RFX8: variants seen among roughly 807,000 people sequenced by gnomAD.
RFX8 encodes the protein DNA-binding protein RFX8.
RFX8 carries 46 observed loss-of-function variants against 54.6 expected under a neutral mutation model. That is an observed-to-expected ratio of 0.84 (90% confidence interval 0.67 to 1.08). RFX8 has a LOEUF of 1.08. RFX8 is among the 50% of genes least tolerant of loss of function. The pLI is 0.00. For synonymous variants in RFX8, 192 were observed against 209.5 expected, an observed-to-expected ratio of 0.92 and a Z score of 0.72; for missense variants, 536 against 562.3, an observed-to-expected ratio of 0.95 and a Z score of 0.47.
In RFX8 at chr2:101,402,560, C is replaced by A; in HGVS notation, c.1121G>T (p.Ser374Ile). ...LNSSLSQACA[S>I]PSMEPLGVMP... ...CACCCCCAGTGGCTCCATGCTGGGG[C>A]TGGCACACGCCTGCGACAGTGAGGA... The change falls in exon 11 of 12, where the codon AGC becomes ATC. Residue 374 changes from serine to isoleucine, a missense_variant. Coordinates refer to ENST00000428343, the MANE Select transcript of RFX8 (RefSeq NM_001145664.2). 6.4e-7 allele frequency: 1 copy of A among 1,551,858 alleles called. No homozygotes were observed. Among genetic ancestry groups the A allele is most frequent in the Non-Finnish European group, 8.7e-7 (1 of 1,147,022 alleles).
At chr2:101,470,755 T>C in intron 1 of RFX8, among the ~76,000 whole-genome samples, 1 of 139,858 alleles carries the variant, frequency 7.2e-6, no homozygotes, top group Admixed American at 7.3e-5. Context: ...AGTCTCACTC[T>C]GTCACCCAGG....
At chr2:101,415,673 A>C (rs1283377288) in intron 6 of RFX8, among the ~76,000 whole-genome samples, 1 of 152,240 alleles carries the variant, frequency 6.6e-6, no homozygotes, top group Admixed American at 6.5e-5. Flanking sequence ...GTGTTTGCTC[A>C]ATAACTATTT....
chr2:101,417,261 G>A (rs1686579701), intron 6 of RFX8, among the ~76,000 whole-genome samples: 1 of 152,210 alleles, frequency 6.6e-6, no homozygotes, highest in Non-Finnish European at 1.5e-5. Context: ...CTGGAGTGCA[G>A]TGACATGATC....
intron 2 of RFX8, among the ~76,000 whole-genome samples, chr2:101,465,776 A>G (rs569774184): frequency 2.4e-4 from 37 of 152,376 alleles, no homozygotes; most frequent in Middle Eastern, 3.4e-3. Flanking sequence ...CTGAACAGAT[A>G]CAGAAAAATA....
intron 8 of RFX8, 115 bp downstream of exon 8, chr2:101,412,800 C>T: frequency 9.9e-7 from 1 of 1,013,584 alleles, no homozygotes; most frequent in Non-Finnish European, 1.4e-6. Flanking sequence ...CAACTTAGAA[C>T]ATCGGAGTTA....
intron 2 of RFX8, among the ~76,000 whole-genome samples, chr2:101,431,087 C>T (rs1035832411): frequency 8.7e-4 from 133 of 152,332 alleles, no homozygotes; most frequent in African/African-American, 3.0e-3. Context: ...TATGAATACA[C>T]TGAGCTCCAT....
At chr2:101,409,214 T>TTTTG (rs374275723) in intron 9 of RFX8, among the ~76,000 whole-genome samples, 16 of 151,922 alleles carry the variant, frequency 1.1e-4, no homozygotes, top group South Asian at 2.1e-4. Context: ...CTCTAGGTGT[T>TTTTG]TTTGTTTGTT....
At chr2:101,410,036 C>T (rs1399213327) in intron 9 of RFX8, among the ~76,000 whole-genome samples, 3 of 152,164 alleles carry the variant, frequency 2.0e-5, no homozygotes, top group South Asian at 2.1e-4. Flanking sequence ...TCAAGCCAGA[C>T]ATTTTACTGG....
intron 2 of RFX8, among the ~76,000 whole-genome samples, chr2:101,457,544 C>A (rs1265686517): frequency 6.6e-6 from 1 of 152,162 alleles, no homozygotes; most frequent in Non-Finnish European, 1.5e-5. Context: ...TTCCTGAGTT[C>A]TAATTTGATT....
At chr2:101,469,381 G>C (rs867989271) in intron 1 of RFX8, among the ~76,000 whole-genome samples, 1 of 151,900 alleles carries the variant, frequency 6.6e-6, no homozygotes, top group South Asian at 2.1e-4. Flanking sequence ...CTGACCTCCT[G>C]TTGTCGAGCA....
intron 2 of RFX8, among the ~76,000 whole-genome samples, chr2:101,431,324 G>T (rs760445019): frequency 1.5e-4 from 23 of 152,316 alleles, no homozygotes; most frequent in Non-Finnish European, 3.2e-4. Flanking sequence ...AAAGATGTTG[G>T]GTGAGGGTTA....
intron 2 of RFX8, among the ~76,000 whole-genome samples, chr2:101,455,905 G>A (rs1407697809): frequency 1.3e-5 from 2 of 152,176 alleles, no homozygotes; most frequent in African/African-American, 4.8e-5. Flanking sequence ...GCAGTGGTTT[G>A]TAGTTCTCCT....
At chr2:101,462,473 C>T (rs1056637696) in intron 2 of RFX8, among the ~76,000 whole-genome samples, 11 of 152,002 alleles carry the variant, frequency 7.2e-5, no homozygotes, top group African/African-American at 2.7e-4. Flanking sequence ...GTACAACTCC[C>T]AAAATATTTC....
intron 2 of RFX8, among the ~76,000 whole-genome samples, chr2:101,442,743 C>G (rs1688165596): frequency 6.6e-6 from 1 of 152,102 alleles, no homozygotes; most frequent in Admixed American, 6.5e-5. Flanking sequence ...TTTCTGGTGC[C>G]TCTGGGCCTC....
intron 2 of RFX8, among the ~76,000 whole-genome samples, chr2:101,426,527 A>AAAAT (rs1300949504): frequency 6.6e-6 from 1 of 152,208 alleles, no homozygotes; most frequent in South Asian, 2.1e-4. Flanking sequence ...TCTAAAAAAT[A>AAAAT]AAATAAATAA....
At chr2:101,447,717 G>A (rs1372556124) in intron 2 of RFX8, among the ~76,000 whole-genome samples, 1 of 152,118 alleles carries the variant, frequency 6.6e-6, no homozygotes, top group East Asian at 1.9e-4. Flanking sequence ...TATTCTTTCT[G>A]TCTAACCATA....
At chr2:101,456,273 G>A (rs1252819573) in intron 2 of RFX8, among the ~76,000 whole-genome samples, 2 of 152,146 alleles carry the variant, frequency 1.3e-5, no homozygotes, top group East Asian at 3.9e-4. Flanking sequence ...GTGAGAGAGG[G>A]CATCCTTGTC....
intron 2 of RFX8, among the ~76,000 whole-genome samples, chr2:101,446,058 T>TA (rs35516177): frequency 0.76 from 115,300 of 152,070 alleles, 44,637 homozygotes; most frequent in Middle Eastern, 0.89. Context: ...AATACACTTT[T>TA]GTATGTTCTG....
chr2:101,454,785 T>C (rs549007055), intron 2 of RFX8, among the ~76,000 whole-genome samples: 2 of 152,332 alleles, frequency 1.3e-5, no homozygotes, highest in South Asian at 2.1e-4. Flanking sequence ...TATTTGTAGA[T>C]TCTGGATATT....
Sources: gnomAD v4.1 joint callset for allele counts (sites outside exome capture counted in the v4.1 genomes callset) on GRCh38, gnomAD v4.1.1 for gene constraint, MANE v1.5 for transcripts, NCBI Gene and HGNC (gene_info 2026-07-23, HGNC 2026-07-21) for gene names.